PTPRG: variants seen among roughly 807,000 people sequenced by gnomAD.
PTPRG encodes protein tyrosine phosphatase receptor type G, also known as receptor-type tyrosine-protein phosphatase gamma.
In PTPRG, 102 loss-of-function variants were observed where a neutral mutation model predicts 165.3. That is an observed-to-expected ratio of 0.62 (90% CI 0.53 to 0.73). The LOEUF is 0.73. PTPRG is among the 30% of genes least tolerant of loss of function. The pLI, the probability that PTPRG is intolerant of heterozygous loss-of-function variation, is 0.00. For synonymous variants in PTPRG, 675 were observed against 669.5 expected (o/e 1.01, Z -0.13); for missense variants, 1,866 against 1,861.4 (o/e 1.00, Z -0.05).
intron 3 of PTPRG, among the ~76,000 whole-genome samples, chr3:61,995,687 CCTTCCTTCCT>C (rs1559735841): frequency 0.18 from 15,677 of 88,216 alleles, 1,631 homozygotes; most frequent in Non-Finnish European, 0.21. Context: ...CGCCCGCCTT[CCTTCCTTCCT>C]TCCTTCCTTC....
At chr3:62,268,230 C>G (rs1403899992) in intron 19 of PTPRG, among the ~76,000 whole-genome samples, 2 of 151,944 alleles carry the variant, frequency 1.3e-5, no homozygotes, top group Non-Finnish European at 1.5e-5. Context: ...AGACAAGGAA[C>G]TACTAATAGT....
Position 62,237,795 on chromosome 3 carries a change from T to C in PTPRG, c.2376-6012T>C, listed in dbSNP as rs1452306202. Among the ~76,000 whole-genome samples the C allele has an allele frequency of 1.3e-5, 2 of 152,182 alleles. No individual in the cohort carries two copies. The highest frequency in any genetic ancestry group is 2.4e-5 in the African/African-American group (1 of 41,454). On this transcript the variant is annotated intron_variant, in intron 14 of 29. Coordinates refer to ENST00000474889, the MANE Select transcript of PTPRG (RefSeq NM_002841.4). This position sits in a 1 kb window ranked among gnomAD's most constrained non-coding sequence, Gnocchi z 4.5. ...TACAGATCTGGACCACAGGTGTGGG[T>C]TGTGGGCTTGAGACCCAGAAAACTG...
intron 8 of PTPRG, among the ~76,000 whole-genome samples, chr3:62,172,115 G>GT (rs1705240387): frequency 6.6e-6 from 1 of 152,214 alleles, no homozygotes; most frequent in African/African-American, 2.4e-5. Flanking sequence ...CACATAATAT[G>GT]TGGAGGTGCC....
intron 1 of PTPRG, among the ~76,000 whole-genome samples, chr3:61,613,858 G>A (rs893150026): frequency 6.6e-6 from 1 of 152,200 alleles, no homozygotes; most frequent in Non-Finnish European, 1.5e-5. Context: ...ACCTCTGTGT[G>A]CGGAGACTAA....
At chr3:61,746,208 A>ATTTTTTTTTTTTTTTT (rs750697053) in intron 1 of PTPRG, among the ~76,000 whole-genome samples, 4 of 81,322 alleles carry the variant, frequency 4.9e-5, no homozygotes, top group Admixed American at 1.4e-4. Flanking sequence ...ACACACTCTA[A>ATTTTTTTTTTTTTTTT]TTTTTTTTTT....
intron 2 of PTPRG, among the ~76,000 whole-genome samples, chr3:61,826,541 G>A (rs769599865): frequency 6.6e-6 from 1 of 151,752 alleles, no homozygotes; most frequent in South Asian, 2.1e-4. Context: ...AAAATCCGAT[G>A]TTTGTACTAT....
At chr3:61,830,608 C>T (rs1217681822) in intron 2 of PTPRG, among the ~76,000 whole-genome samples, 3 of 109,548 alleles carry the variant, frequency 2.7e-5, no homozygotes, top group African/African-American at 1.1e-4. Context: ...GAGTTTCGCT[C>T]TTGTTGCCCA....
chr3:62,285,686 G>A (rs1294357057), intron 28 of PTPRG, among the ~76,000 whole-genome samples: 1 of 152,128 alleles, frequency 6.6e-6, no homozygotes, highest in Non-Finnish European at 1.5e-5. Flanking sequence ...AACTGTTCAA[G>A]ATTATTCTGC....
At chr3:61,913,243 G>A (rs2038847319) in intron 2 of PTPRG, among the ~76,000 whole-genome samples, 1 of 151,836 alleles carries the variant, frequency 6.6e-6, no homozygotes, top group Admixed American at 6.6e-5. Context: ...TTTCTGAGAC[G>A]GAGTCTCGCT....
At chr3:61,928,386 A>G (rs868014248) in intron 2 of PTPRG, among the ~76,000 whole-genome samples, 4 of 152,198 alleles carry the variant, frequency 2.6e-5, no homozygotes, top group African/African-American at 7.2e-5. Context: ...ACCCTATCAC[A>G]TTTTCCAAAC....
intron 2 of PTPRG, among the ~76,000 whole-genome samples, chr3:61,752,229 G>A (rs919192623): frequency 6.6e-6 from 1 of 152,082 alleles, no homozygotes; most frequent in Non-Finnish European, 1.5e-5. Flanking sequence ...TTGGGCATGA[G>A]GGTTAAGCAG....
At chr3:61,972,677 T>C (rs2040411509) in intron 2 of PTPRG, among the ~76,000 whole-genome samples, 1 of 146,696 alleles carries the variant, frequency 6.8e-6, no homozygotes, top group Non-Finnish European at 1.5e-5. Context: ...TTTTGAGACA[T>C]GGTCTCACTC....
intron 1 of PTPRG, among the ~76,000 whole-genome samples, chr3:61,615,786 C>T (rs1026605832): frequency 3.3e-5 from 5 of 152,124 alleles, no homozygotes; most frequent in African/African-American, 9.7e-5. Flanking sequence ...TTCCTGTGTC[C>T]TTTTGACATG....
At chr3:62,051,564 C>A (rs2189696) in intron 4 of PTPRG, among the ~76,000 whole-genome samples, 36,688 of 152,030 alleles carry the variant, frequency 0.24, 5,445 homozygotes, top group Non-Finnish European at 0.33. Context: ...ATTCCAGGGC[C>A]CCCCTTGAGA....
At chr3:61,672,004 G>T (rs1390061438) in intron 1 of PTPRG, among the ~76,000 whole-genome samples, 1 of 129,342 alleles carries the variant, frequency 7.7e-6, no homozygotes, top group Non-Finnish European at 1.6e-5. Context: ...CTTCTCAGAC[G>T]GGGCGGTTGC....
intron 2 of PTPRG, among the ~76,000 whole-genome samples, chr3:61,850,860 C>G (rs1229884873): frequency 6.6e-6 from 1 of 152,108 alleles, no homozygotes; most frequent in Non-Finnish European, 1.5e-5. Context: ...GCAAAACATG[C>G]CTTTGTATGA....
chr3:62,103,297 T>C, intron 5 of PTPRG, among the ~76,000 whole-genome samples: 1 of 116,114 alleles, frequency 8.6e-6, no homozygotes, highest in African/African-American at 3.6e-5. Flanking sequence ...AAGGTCTTAA[T>C]AAAATATTGA....
In PTPRG at chr3:62,245,015, C is replaced by CT. The variant is rs1313675751; in HGVS notation, c.2467+1118dup. 6.6e-6 allele frequency among the ~76,000 whole-genome samples: 1 copy of CT among 152,110 alleles called. No individual in the cohort carries two copies. The highest frequency in any genetic ancestry group is 2.4e-5 in the African/African-American group (1 of 41,438). On this transcript the variant is annotated intron_variant, in intron 15 of 29. Transcript: ENST00000474889. This position sits in a 1 kb window ranked among gnomAD's most constrained non-coding sequence, Gnocchi z 4.2. ...TGCCCTGTTATGTGTCTGTATATTG[C>CT]TAAGTCATTAGATATTACTGGGATT...
intron 5 of PTPRG, among the ~76,000 whole-genome samples, chr3:62,102,973 G>T (rs920692167): frequency 6.6e-6 from 1 of 151,996 alleles, no homozygotes; most frequent in African/African-American, 2.4e-5. Context: ...TCCCCCACTG[G>T]TACTAAAAAT....
Sources: allele counts gnomAD v4.1 joint callset (sites outside exome capture counted in the v4.1 genomes callset), GRCh38; gene constraint gnomAD v4.1.1; non-coding constraint Gnocchi (gnomAD v3.1); transcripts MANE v1.5; gene names NCBI Gene and HGNC (gene_info 2026-07-23, HGNC 2026-07-21).